The following RAMP1 variants were observed in gnomAD, a reference collection of about 807,000 sequenced individuals.
RAMP1 encodes receptor activity-modifying protein 1.
Under a neutral mutation model 8.2 loss-of-function variants are expected in RAMP1, and 7 were observed. The observed-to-expected ratio is 0.85, with a 90% CI of 0.49 to 1.60. The LOEUF is 1.60. RAMP1 is among the 40% of genes most tolerant of loss of function. RAMP1 has a pLI of 0.00. For missense variants in RAMP1, 192 were observed against 202.4 expected, an observed-to-expected ratio of 0.95 and a Z score of 0.31; for synonymous variants, 92 against 84.7, an observed-to-expected ratio of 1.09 and a Z score of -0.47.
At chr2:237,873,978 T>G (rs1329764514) in intron 1 of RAMP1, among the ~76,000 whole-genome samples, 1 of 152,132 alleles carries the variant, frequency 6.6e-6, no homozygotes, top group African/African-American at 2.4e-5. Flanking sequence ...CAGGGAGGGC[T>G]CTGTCCCTAA....
At chr2:237,864,929 G>T (rs540613899) in intron 1 of RAMP1, among the ~76,000 whole-genome samples, 1 of 152,336 alleles carries the variant, frequency 6.6e-6, no homozygotes, top group South Asian at 2.1e-4. Context: ...AAGCATGGTG[G>T]GGAAGAGGGC....
chr2:237,859,174 T>C (rs3754698), upstream of RAMP1: 68,583 of 152,182 alleles, frequency 0.45, 15,859 homozygotes, highest in East Asian at 0.56. Context: ...CCAGGCGCGG[T>C]GGCGAGTTTT....
upstream of RAMP1, chr2:237,859,617 G>T: frequency 8.2e-7 from 1 of 1,217,580 alleles, no homozygotes; most frequent in South Asian, 3.1e-5. Flanking sequence ...GCGCCGCGGC[G>T]GGCTCAGTCC....
chr2:237,875,865 C>T (rs1343119054), intron 1 of RAMP1, among the ~76,000 whole-genome samples: 2 of 151,958 alleles, frequency 1.3e-5, no homozygotes, highest in African/African-American at 2.4e-5. Context: ...GCCACCTGCT[C>T]GCCCTCCCCC....
At chr2:237,882,763 C>A (rs1181264559) in intron 2 of RAMP1, among the ~76,000 whole-genome samples, 9 of 151,008 alleles carry the variant, frequency 6.0e-5, no homozygotes, top group Admixed American at 5.3e-4. Flanking sequence ...GGGAAGAGGG[C>A]CCTGGAGAGA....
At chr2:237,864,664 T>G (rs577059533) in intron 1 of RAMP1, among the ~76,000 whole-genome samples, 10 of 152,176 alleles carry the variant, frequency 6.6e-5, no homozygotes, top group African/African-American at 2.4e-4. Flanking sequence ...CCTGCTACAG[T>G]AGGGTGTCCT....
At chr2:237,879,385 G>A (rs2062342170) in intron 2 of RAMP1, among the ~76,000 whole-genome samples, 1 of 151,892 alleles carries the variant, frequency 6.6e-6, no homozygotes, top group South Asian at 2.1e-4. Context: ...GCACAAAGAG[G>A]AATAACTAGC....
chr2:237,904,257 C>CA (rs111978335), intron 2 of RAMP1, among the ~76,000 whole-genome samples: 75,849 of 145,440 alleles, frequency 0.52, 19,645 homozygotes, highest in East Asian at 0.68. Context: ...ACTAAAAATA[C>CA]AAAAAAAAAA....
Position 237,859,719 on chromosome 2 carries a change from T to C in RAMP1, c.44T>C (p.Leu15Pro). 6.6e-7 allele frequency: 1 copy of C among 1,512,678 alleles called. No homozygotes were observed. The highest frequency in any genetic ancestry group is 1.3e-5 in the South Asian group (1 of 79,934). The allele number at this position is 1,512,678 out of a possible 1,614,324, so 93.7% of individuals were successfully genotyped here. A position where few individuals can be genotyped will look rare whatever the true frequency, so the allele number is the denominator to read the frequency against. ...CGCCTCCCGCGGCGCGGCCTCTGGC[T>C]GCTCCTGGGTGAGTAGGTCCAGGGG... ...LCRLPRRGLW[L>P]LLAHHLFMTT... Residue 15 changes from leucine to proline, a missense_variant, in exon 1 of 3, where the codon CTG (leucine) becomes CCG (proline). Transcript: ENST00000254661.
intron 1 of RAMP1, among the ~76,000 whole-genome samples, chr2:237,866,665 C>T (rs899926354): frequency 1.3e-5 from 2 of 152,136 alleles, no homozygotes; most frequent in East Asian, 1.9e-4. Flanking sequence ...AGAGGCCTTA[C>T]TGATAACATT....
intron 1 of RAMP1, among the ~76,000 whole-genome samples, chr2:237,863,622 A>G (rs1485740188): frequency 6.6e-6 from 1 of 152,216 alleles, no homozygotes; most frequent in Non-Finnish European, 1.5e-5. Context: ...TTTCTGGGGC[A>G]TCCGAAAGGC....
intron 2 of RAMP1, among the ~76,000 whole-genome samples, chr2:237,897,800 TTGTTTG>T (rs1303436139): frequency 6.6e-6 from 1 of 151,284 alleles, no homozygotes; most frequent in East Asian, 1.9e-4. Context: ...TGTTTTTTGT[TTGTTTG>T]TTTGTTTTTT....
chr2:237,907,691 T>A (rs937578458), intron 2 of RAMP1, among the ~76,000 whole-genome samples: 3 of 152,230 alleles, frequency 2.0e-5, no homozygotes, highest in Non-Finnish European at 4.4e-5. Flanking sequence ...AAATTCTCCA[T>A]CTGTTCATGC....
intron 1 of RAMP1, among the ~76,000 whole-genome samples, chr2:237,863,724 C>CA (rs2062153401): frequency 6.6e-6 from 1 of 151,688 alleles, no homozygotes; most frequent in South Asian, 2.1e-4. Flanking sequence ...GGCAGGAGTG[C>CA]AGGGCTATGG....
rs56984144 is a variant in RAMP1 at position 237,878,082 on chromosome 2, C to T, written c.191+720C>T. On this transcript the variant is annotated intron_variant, in intron 2 of 2. Transcript: ENST00000254661. This position sits in a 1 kb window ranked among gnomAD's most constrained non-coding sequence, Gnocchi z 5.7. ...TCCTTGTTTCTGCCTCCGTGGGAGG[C>T]GCTGGGGTGTCCTGGGGCTGCAGTG... 29,795 of 985,420 alleles carry T rather than the reference C, an allele frequency of 0.03. 691 individuals carry two copies. The highest frequency in any genetic ancestry group is 0.12 in the African/African-American group (6,816 of 57,342). 61.0% of individuals were successfully genotyped at this position (985,420 alleles called of 1,614,324 possible). A position where few individuals can be genotyped will look rare whatever the true frequency, so the allele number is the denominator to read the frequency against.
At chr2:237,871,555 G>C (rs1254780864) in intron 1 of RAMP1, among the ~76,000 whole-genome samples, 5 of 152,152 alleles carry the variant, frequency 3.3e-5, no homozygotes, top group African/African-American at 1.2e-4. Context: ...GCAGCAGCAG[G>C]CGTTCCTATG....
At chr2:237,889,156 C>G (rs1371007741) in intron 2 of RAMP1, among the ~76,000 whole-genome samples, 1 of 152,124 alleles carries the variant, frequency 6.6e-6, no homozygotes, top group Non-Finnish European at 1.5e-5. Flanking sequence ...TGTTCATTTT[C>G]CACACTGTCG....
In RAMP1 at chr2:237,911,540, G is replaced by A. The variant is rs763614355; in HGVS notation, c.204G>A (p.Glu68=). ...DWGRTIRSYR[E]LADCTWHMAE... ...CTTCCATCCGCAGGAGCTACAGGGA[G>A]CTGGCCGACTGCACCTGGCACATGG... The change falls in exon 3 of 3, where the codon GAG becomes GAA. Residue 68 remains glutamate, a synonymous_variant. Transcript: ENST00000254661. 3.0e-5 allele frequency: 49 copies of A among 1,613,982 alleles called. No homozygotes were observed. The highest frequency in any genetic ancestry group is 4.0e-5 in the African/African-American group (3 of 74,946).
chr2:237,882,084 G>T (rs755237633), intron 2 of RAMP1, among the ~76,000 whole-genome samples: 4 of 152,130 alleles, frequency 2.6e-5, no homozygotes, highest in Non-Finnish European at 4.4e-5. Flanking sequence ...TGTGAACTAT[G>T]AATCAAATGT....
Sources: allele counts gnomAD v4.1 joint callset (sites outside exome capture counted in the v4.1 genomes callset), GRCh38; gene constraint gnomAD v4.1.1; non-coding constraint Gnocchi (gnomAD v3.1); transcripts MANE v1.5; gene names NCBI Gene and HGNC (gene_info 2026-07-23, HGNC 2026-07-21).